APOOL: variants seen among roughly 807,000 people sequenced by gnomAD.
APOOL encodes the protein MICOS complex subunit MIC27.
Under a neutral mutation model 23.1 loss-of-function variants are expected in APOOL, and 12 were observed. That is an observed-to-expected ratio of 0.52 (90% CI 0.33 to 0.84). APOOL has a LOEUF of 0.84. Among genes scored for constraint, APOOL ranks in the 40% least tolerant of loss-of-function variants. The pLI is 0.02. For synonymous variants in APOOL, 77 were observed against 69.9 expected, an observed-to-expected ratio of 1.10 and a Z score of -0.51; for missense variants, 212 against 199.6, an observed-to-expected ratio of 1.06 and a Z score of -0.37.
intron 5 of APOOL, among the ~76,000 whole-genome samples, chrX:85,061,306 C>T (rs989912968): frequency 9.0e-6 from 1 of 111,391 alleles, no homozygotes; most frequent in African/African-American, 3.3e-5. Flanking sequence ...AGGATTTTTG[C>T]ATCAATGTTC....
At chrX:85,015,994 G>A (rs1921458294) in intron 1 of APOOL, among the ~76,000 whole-genome samples, 1 of 111,074 alleles carries the variant, frequency 9.0e-6, no homozygotes, top group Admixed American at 9.6e-5. Context: ...GGTTGTGGTA[G>A]TTATATTTGT....
rs1400500997 is a variant in APOOL, at chrX:85,012,332, T to G, written c.15+8405T>G. ...TCCTCTTTTCTGATTTGGGTGCCCT[T>G]TATTTCTTTCTCTTGTCTGATTTCT... On this transcript the variant is annotated intron_variant, in intron 1 of 8. Coordinates refer to ENST00000373173, the MANE Select transcript of APOOL (RefSeq NM_198450.6). 2.7e-5 allele frequency among the ~76,000 whole-genome samples: 3 copies of G among 111,365 alleles called. No homozygotes were observed. In the East Asian group the frequency reaches 8.5e-4, roughly 31 times the overall value.
chrX:85,053,194 C>T (rs1447185411), intron 3 of APOOL, among the ~76,000 whole-genome samples: 1 of 111,299 alleles, frequency 9.0e-6, no homozygotes, highest in Non-Finnish European at 1.9e-5. Flanking sequence ...AATTCCTTAG[C>T]AGAGCTAAGA....
rs4388608 is a variant in APOOL at position 85,082,608 on chromosome X, G to C, written c.719-4982G>C. Among the ~76,000 whole-genome samples the C allele has an allele frequency of 3.6e-5, 4 of 110,004 alleles. No homozygotes were observed. In the Admixed American group the frequency reaches 3.9e-4, roughly 11 times the overall value. On this transcript the variant is annotated intron_variant, in intron 8 of 8. Coordinates refer to ENST00000373173, the MANE Select transcript of APOOL (RefSeq NM_198450.6). ...ATAATATTTCATAGCAAGTGAAAAT[G>C]ACATGAAATTCAGATCTCAATGTCC...
At chrX:85,068,121 G>A (rs1254325755) in intron 6 of APOOL, among the ~76,000 whole-genome samples, 1 of 111,893 alleles carries the variant, frequency 8.9e-6, no homozygotes. Flanking sequence ...ACTTATACCT[G>A]AAATAATTGA....
chrX:85,071,860 C>T (rs1351214994), intron 6 of APOOL, among the ~76,000 whole-genome samples: 1 of 111,834 alleles, frequency 8.9e-6, no homozygotes, highest in African/African-American at 3.2e-5. Flanking sequence ...TTTGGGAAGC[C>T]GAGGCAGACG....
chrX:85,070,262 T>A (rs1231472346), intron 6 of APOOL, among the ~76,000 whole-genome samples: 1 of 111,885 alleles, frequency 8.9e-6, no homozygotes, highest in Non-Finnish European at 1.9e-5. Flanking sequence ...TAAGAGCTTC[T>A]CCAAGGTATC....
At chrX:85,051,804 A>C (rs1375030638) in intron 3 of APOOL, among the ~76,000 whole-genome samples, 2 of 111,684 alleles carry the variant, frequency 1.8e-5, no homozygotes, top group Non-Finnish European at 3.8e-5. Flanking sequence ...TGGCTGGATG[A>C]CTGGGTTCAG....
At chrX:85,062,020 A>C (rs987189841) in intron 5 of APOOL, among the ~76,000 whole-genome samples, 18 of 109,978 alleles carry the variant, frequency 1.6e-4, no homozygotes, top group African/African-American at 6.0e-4. Flanking sequence ...GGCATTTAGT[A>C]CTATAAATTT....
At chrX:85,044,590 TA>T (rs1350071998) in intron 1 of APOOL, among the ~76,000 whole-genome samples, 1 of 111,244 alleles carries the variant, frequency 9.0e-6, no homozygotes, top group Non-Finnish European at 1.9e-5. Flanking sequence ...CCTAAGCTCA[TA>T]TTTTTTTTCC....
chrX:85,049,736 G>C (rs957775405), intron 2 of APOOL, among the ~76,000 whole-genome samples: 2 of 110,956 alleles, frequency 1.8e-5, no homozygotes, highest in African/African-American at 3.3e-5. Context: ...ACAGTGAGCT[G>C]TGTTCATGCC....
intron 1 of APOOL, among the ~76,000 whole-genome samples, chrX:85,026,711 A>G (rs1433271098): frequency 9.0e-6 from 1 of 111,691 alleles, no homozygotes; most frequent in East Asian, 2.8e-4. Context: ...AATGTAGCCA[A>G]GTTCTTTACT....
At chrX:85,048,737 G>C (rs1386028444) in intron 2 of APOOL, among the ~76,000 whole-genome samples, 7 of 111,879 alleles carry the variant, frequency 6.3e-5, no homozygotes, top group Non-Finnish European at 1.1e-4. Context: ...CTGGTTATTT[G>C]GTTGTTTGAA....
At chrX:85,052,604 T>C (rs1167658762) in intron 3 of APOOL, among the ~76,000 whole-genome samples, 1 of 112,136 alleles carries the variant, frequency 8.9e-6, no homozygotes, top group African/African-American at 3.2e-5. Flanking sequence ...AAATACCAAA[T>C]CAATGAACTC....
In APOOL at chrX:85,091,524, C is replaced by G. The variant is rs1924516633; in HGVS notation, c.*3846C>G. On this transcript the variant is annotated 3_prime_UTR_variant, in exon 9 of 9. Coordinates refer to ENST00000373173, the MANE Select transcript of APOOL (RefSeq NM_198450.6). ...TGTAGTTTCTATGCCCATGAAGTGCCTGGTAGGTAGTAGGAACTCACACGT... is the reference window on the plus strand; with the variant it reads ...TGTAGTTTCTATGCCCATGAAGTGCGTGGTAGGTAGTAGGAACTCACACGT... 8.9e-6 allele frequency: 1 copy of G among 111,980 alleles called. No homozygotes were observed. The highest frequency in any genetic ancestry group is 3.7e-4 in the South Asian group (1 of 2,691). The allele number at this position is 111,980 out of a possible 1,213,427, so 9.2% of individuals were successfully genotyped here.
intron 1 of APOOL, among the ~76,000 whole-genome samples, chrX:85,017,689 AGACTCT>A (rs1921525599): frequency 9.0e-6 from 1 of 111,500 alleles, no homozygotes; most frequent in Non-Finnish European, 1.9e-5. Context: ...CTTGAGCTGG[AGACTCT>A]GAGTGCCTAC....
rs1384432578 is a variant in APOOL, at chrX:85,089,962, T to C, written c.*2284T>C. On this transcript the variant is annotated 3_prime_UTR_variant, in exon 9 of 9. Transcript: ENST00000373173. ...GTTAAACAAATATTTAATATTAGCT[T>C]AAGCAAAAAAAAAAAAAAAGGCCTA... 1 of 52,094 alleles carries C rather than the reference T, an allele frequency of 1.9e-5. No individual in the cohort carries two copies. The highest frequency in any genetic ancestry group is 6.8e-5 in the African/African-American group (1 of 14,681). 4.3% of individuals were successfully genotyped at this position (52,094 alleles called of 1,213,427 possible).
chrX:85,061,775 C>G (rs1291661961), intron 5 of APOOL, among the ~76,000 whole-genome samples: 22 of 111,433 alleles, frequency 2.0e-4, no homozygotes, highest in African/African-American at 7.2e-4. Flanking sequence ...TCTCTCTTTT[C>G]TTCTTTATTA....
In APOOL at chrX:85,087,855, C is replaced by T; in HGVS notation, c.*177C>T. 1 of 382,095 alleles carries T rather than the reference C, an allele frequency of 2.6e-6. No individual in the cohort carries two copies. The highest frequency in any genetic ancestry group is 4.5e-6 in the Non-Finnish European group (1 of 222,231). 31.5% of individuals were successfully genotyped at this position (382,095 alleles called of 1,213,427 possible). A position where few individuals can be genotyped will look rare whatever the true frequency, so the allele number is the denominator to read the frequency against. On this transcript the variant is annotated 3_prime_UTR_variant, in exon 9 of 9. Coordinates refer to ENST00000373173, the MANE Select transcript of APOOL (RefSeq NM_198450.6). ...ATTACATAAGTGGTTAACACACAAA[C>T]TGTGAATGCAGTGTAAACAATATTA...
Sources: gnomAD v4.1 joint callset for allele counts (sites outside exome capture counted in the v4.1 genomes callset) on GRCh38, gnomAD v4.1.1 for gene constraint, MANE v1.5 for transcripts, NCBI Gene and HGNC (gene_info 2026-07-23, HGNC 2026-07-21) for gene names.